Variants in SIMC1 observed in about 807,000 individuals in gnomAD.
SIMC1 encodes the protein SUMO-interacting motif-containing protein 1.
Under a neutral mutation model 82.3 loss-of-function variants are expected in SIMC1, and 55 were observed. The observed-to-expected ratio is 0.67, with a 90% confidence interval of 0.54 to 0.84. The LOEUF is 0.84. SIMC1 is among the 40% of genes least tolerant of loss of function. The pLI is 0.00. For missense variants in SIMC1, 915 were observed against 1,107.2 expected (o/e 0.83, Z 2.46); for synonymous variants, 353 against 426.3 (o/e 0.83, Z 2.12).
chr5:176,324,374 G>C (rs1378038371), intron 6 of SIMC1, among the ~76,000 whole-genome samples: 1 of 152,094 alleles, frequency 6.6e-6, no homozygotes, highest in Non-Finnish European at 1.5e-5. Flanking sequence ...TTTAAAAGCA[G>C]CTTGCTTTTA....
At chr5:176,275,710 T>G (rs140102115) in intron 1 of SIMC1, among the ~76,000 whole-genome samples, 2 of 151,944 alleles carry the variant, frequency 1.3e-5, no homozygotes, top group African/African-American at 2.4e-5. Flanking sequence ...AACAACCTTT[T>G]CTGCATCTAT....
At chr5:176,271,901 C>T (rs1267951973) in intron 1 of SIMC1, among the ~76,000 whole-genome samples, 3 of 122,626 alleles carry the variant, frequency 2.4e-5, no homozygotes, top group Admixed American at 9.0e-5. Flanking sequence ...AATTATTATA[C>T]ATTAGTATAT....
chr5:176,287,180 G>T (rs1263955126), intron 1 of SIMC1, among the ~76,000 whole-genome samples: 1 of 152,120 alleles, frequency 6.6e-6, no homozygotes, highest in Non-Finnish European at 1.5e-5. Flanking sequence ...ACATGCACAC[G>T]TATGTTTATT....
chr5:176,319,513 A>G (rs1765065603), intron 5 of SIMC1, among the ~76,000 whole-genome samples: 1 of 152,068 alleles, frequency 6.6e-6, no homozygotes, highest in Non-Finnish European at 1.5e-5. Context: ...ACAACGGAGC[A>G]AGCCCTCATC....
chr5:176,250,537 ATCTG>A (rs1477593911), intron 1 of SIMC1, among the ~76,000 whole-genome samples: 1 of 152,186 alleles, frequency 6.6e-6, no homozygotes, highest in African/African-American at 2.4e-5. Flanking sequence ...TGTCTTGTTG[ATCTG>A]TCTAATATTG....
At chr5:176,305,112 G>C (rs1463080991) in intron 4 of SIMC1, among the ~76,000 whole-genome samples, 2 of 140,400 alleles carry the variant, frequency 1.4e-5, no homozygotes, top group African/African-American at 2.6e-5. Flanking sequence ...CAGCCCCGAC[G>C]CCCGGCCAGC....
chr5:176,289,305 T>G (rs1283872695), intron 1 of SIMC1, among the ~76,000 whole-genome samples: 1 of 152,204 alleles, frequency 6.6e-6, no homozygotes, highest in South Asian at 2.1e-4. Flanking sequence ...TCTTATTTAG[T>G]TTTTGTTGTA....
chr5:176,253,517 G>A (rs994427389), intron 1 of SIMC1, among the ~76,000 whole-genome samples: 1 of 152,122 alleles, frequency 6.6e-6, no homozygotes, highest in South Asian at 2.1e-4. Context: ...CCTGGAAATA[G>A]CTCAGTTTTG....
At chr5:176,315,686 T>A (rs982232971) in intron 5 of SIMC1, among the ~76,000 whole-genome samples, 8 of 152,178 alleles carry the variant, frequency 5.3e-5, no homozygotes, top group Admixed American at 5.2e-4. Context: ...CTACGATAAA[T>A]CCTCTAATAA....
chr5:176,275,070 A>G (rs1412634889), intron 1 of SIMC1, among the ~76,000 whole-genome samples: 9 of 151,558 alleles, frequency 5.9e-5, no homozygotes, highest in Non-Finnish European at 1.3e-4. Flanking sequence ...CTTGGGCAGT[A>G]TGGCCATTTT....
rs528777634 is a variant in SIMC1 at position 176,243,743 on chromosome 5, TCTC to T, written c.129+5109_129+5111del. Among the ~76,000 whole-genome samples the T allele has an allele frequency of 2.3e-3, 349 of 152,116 alleles. 3 individuals carry two copies. The highest frequency in any genetic ancestry group is 8.1e-3 in the African/African-American group (335 of 41,470). On this transcript the variant is annotated intron_variant, in intron 1 of 9. Coordinates refer to ENST00000429602, the MANE Select transcript of SIMC1 (RefSeq NM_001308195.2). ...ACCATGTTGGCCAGGATGGTCTAGA[TCTC>T]CTGACCTCATGATCCACCCGCCTCG...
Position 176,313,404 on chromosome 5 carries a change from G to C in SIMC1, c.1735-287G>C, listed in dbSNP as rs1423958036. On this transcript the variant is annotated intron_variant, in intron 4 of 9. Transcript: ENST00000429602. ...ATATCTGATTGCAGCTTAGGTGTTA[G>C]AAAATTATAATTATCTGCAGATGCC... The C allele has an allele frequency of 2.6e-6, 4 of 1,542,558 alleles. No homozygotes were observed. In the African/African-American group the frequency reaches 5.5e-5, roughly 21 times the overall value.
intron 1 of SIMC1, among the ~76,000 whole-genome samples, chr5:176,279,037 C>T (rs929359929): frequency 3.3e-5 from 5 of 152,186 alleles, no homozygotes; most frequent in African/African-American, 1.2e-4. Context: ...ACCAGCTCCT[C>T]CTTATACCTC....
chr5:176,308,269 C>A, intron 4 of SIMC1: 1 of 1,501,928 alleles, frequency 6.7e-7, no homozygotes, highest in Non-Finnish European at 9.3e-7. Flanking sequence ...TTGATGCCAT[C>A]AGAATTGTTC....
chr5:176,316,867 A>T (rs1313570647), intron 5 of SIMC1, among the ~76,000 whole-genome samples: 1 of 151,998 alleles, frequency 6.6e-6, no homozygotes, highest in African/African-American at 2.4e-5. Context: ...CACTTCTGTA[A>T]TCCCAGCTAC....
intron 1 of SIMC1, among the ~76,000 whole-genome samples, chr5:176,252,216 C>CT (rs1761687698): frequency 6.9e-6 from 1 of 144,054 alleles, no homozygotes; most frequent in African/African-American, 2.6e-5. Flanking sequence ...GGGGGCTGAC[C>CT]GCCCCCCCCA....
intron 1 of SIMC1, among the ~76,000 whole-genome samples, chr5:176,247,738 T>C (rs576778068): frequency 1.5e-4 from 10 of 68,592 alleles, no homozygotes; most frequent in African/African-American, 4.5e-4. Context: ...TTTATGGTTT[T>C]AGGTTTACAT....
intron 4 of SIMC1, chr5:176,304,240 C>A (rs968593888): frequency 2.0e-5 from 3 of 152,364 alleles, no homozygotes; most frequent in African/African-American, 7.3e-5. Context: ...CTCTCCCTCT[C>A]ATGCGGAGCC....
chr5:176,319,780 A>G (rs931926217), intron 5 of SIMC1, among the ~76,000 whole-genome samples: 2 of 152,088 alleles, frequency 1.3e-5, no homozygotes, highest in Admixed American at 6.6e-5. Context: ...TTTCTCTTCT[A>G]CATAATGTCT....
Sources: allele counts gnomAD v4.1 joint callset (sites outside exome capture counted in the v4.1 genomes callset), GRCh38; gene constraint gnomAD v4.1.1; transcripts MANE v1.5; gene names NCBI Gene and HGNC (gene_info 2026-07-23, HGNC 2026-07-21).